The following POLI variants were observed in gnomAD, a reference collection of about 807,000 sequenced individuals.
The protein encoded by POLI is RAD30 homolog B.
POLI carries 58 observed loss-of-function variants against 51.6 expected under a neutral mutation model. The ratio of observed to expected loss-of-function variants is 1.12; its 90% CI spans 0.91 to 1.40. POLI has a LOEUF of 1.40. POLI is among the 40% of genes most tolerant of loss of function. The probability of loss-of-function intolerance (pLI) is 0.00; values close to 1 mark genes in which losing one functional copy is unlikely to be tolerated. For missense variants in POLI, 921 were observed against 871.3 expected (o/e 1.06, Z -0.72); for synonymous variants, 322 against 299.7 (o/e 1.07, Z -0.77).
intron 3 of POLI, among the ~76,000 whole-genome samples, chr18:54,304,382 G>T (rs1046701161): frequency 3.9e-5 from 6 of 152,322 alleles, no homozygotes; most frequent in Admixed American, 2.6e-4. Context: ...CACCAACAGT[G>T]TAAAAGCGTT....
Position 54,291,975 on chromosome 18 carries a change from G to A in POLI, c.1341G>A (p.Gly447=). 6.2e-7 allele frequency: 1 copy of A among 1,611,502 alleles called. No homozygotes were observed. The highest frequency in any genetic ancestry group is 8.5e-7 in the Non-Finnish European group (1 of 1,178,414). ...AAGCACTAAATACTGCTAAGAAAGG[G>A]CTTATTGATTATTATTTAATGCCAT... is the stretch of plus-strand genomic sequence containing the variant. ...NLKALNTAKK[G]LIDYYLMPSL... Residue 447 remains glycine, a synonymous_variant, in exon 9 of 10, where the codon GGG becomes GGA. Transcript: ENST00000579534.
chr18:54,292,094 G>T (rs1018117606), intron 9 of POLI, 56 bp downstream of exon 9: 5 of 1,041,238 alleles, frequency 4.8e-6, no homozygotes, highest in South Asian at 1.5e-5. Flanking sequence ...GGATTTGTGT[G>T]GTTACATTAC....
In POLI at chr18:54,296,011, G is replaced by A. The variant is rs1365357150; in HGVS notation, c.*1544G>A. The A allele has an allele frequency of 1.0e-6, 1 of 984,728 alleles. No homozygotes were observed. Among genetic ancestry groups the A allele is most frequent in the African/African-American group, 1.7e-5 (1 of 57,190 alleles). The allele number at this position is 984,728 out of a possible 1,614,324, so 61.0% of individuals were successfully genotyped here. On this transcript the variant is annotated 3_prime_UTR_variant, in exon 10 of 10. Coordinates refer to ENST00000579534, the MANE Select transcript of POLI (RefSeq NM_007195.3). Reference sequence around the variant, plus strand: ...GAAGGATTGTAAATAGGTAGTTTGAGGTTATCAGGAACAGTAACTTGAAGC... The same window carrying A: ...GAAGGATTGTAAATAGGTAGTTTGAAGTTATCAGGAACAGTAACTTGAAGC...
chr18:54,271,407 A>G lies in POLI; in HGVS notation c.163A>G (p.Ile55Val), dbSNP rs945167625. ...CACACCAAATGCTTCATCCAGAGTC[A>G]TAGTACATGTGGATCTGGATTGCTT... The part of the protein sequence containing the change: ...LPTPNASSRV[I>V]VHVDLDCFYA... Residue 55 changes from isoleucine (I) to valine (V), a missense_variant, in exon 2 of 10, where the codon ATA becomes GTA. Physicochemically the swap from Ile to Val is conservative, Grantham distance 29. Coordinates refer to ENST00000579534, the MANE Select transcript of POLI (RefSeq NM_007195.3). The G allele has an allele frequency of 5.6e-6, 9 of 1,611,624 alleles. No homozygotes were observed. Among genetic ancestry groups the G allele is most frequent in the Non-Finnish European group, 7.6e-6 (9 of 1,177,934 alleles).
In POLI at chr18:54,296,711, T is replaced by C. The variant is rs1332280198; in HGVS notation, c.*2244T>C. Reference sequence around the variant, plus strand: ...GGTAATTTCATCAGCTCTATCTTTCTGTTTACTAGTTCATTTTTCAGTAGC... The same window carrying C: ...GGTAATTTCATCAGCTCTATCTTTCCGTTTACTAGTTCATTTTTCAGTAGC... On this transcript the variant is annotated 3_prime_UTR_variant, in exon 10 of 10. Coordinates refer to ENST00000579534, the MANE Select transcript of POLI (RefSeq NM_007195.3). 3 of 191,492 alleles carry C rather than the reference T, an allele frequency of 1.6e-5. No individual in the cohort carries two copies. Among genetic ancestry groups the C allele is most frequent in the African/African-American group, 7.2e-5 (3 of 41,954 alleles). 11.9% of individuals were successfully genotyped at this position (191,492 alleles called of 1,614,324 possible).
intron 8 of POLI, 35 bp downstream of exon 8, chr18:54,287,446 G>A: frequency 6.4e-7 from 1 of 1,571,654 alleles, no homozygotes; most frequent in Non-Finnish European, 8.7e-7. Flanking sequence ...TCATTAGCAG[G>A]TTGAACTCTT....
chr18:54,309,695 A>G (rs1243454862), intron 3 of POLI, among the ~76,000 whole-genome samples: 1 of 152,226 alleles, frequency 6.6e-6, no homozygotes. Context: ...GATGGAGTCT[A>G]CAGAGGCAGG....
intron 3 of POLI, among the ~76,000 whole-genome samples, chr18:54,313,344 T>C (rs571044578): frequency 2.0e-5 from 3 of 152,240 alleles, no homozygotes; most frequent in Non-Finnish European, 4.4e-5. Flanking sequence ...TCTATTTTCG[T>C]TTCTGTAACC....
rs2088209871 is a variant in POLI at position 54,294,602 on chromosome 18, GT to G, written c.*137del. 7.7e-7 allele frequency: 1 copy of G among 1,296,272 alleles called. No individual in the cohort carries two copies. Among genetic ancestry groups the G allele is most frequent in the Non-Finnish European group, 9.8e-7 (1 of 1,025,542 alleles). 80.3% of individuals were successfully genotyped at this position (1,296,272 alleles called of 1,614,324 possible). On this transcript the variant is annotated 3_prime_UTR_variant, in exon 10 of 10. Transcript: ENST00000579534. ...AACTGTTCCAGATAAAGCAAGAATA[GT>G]TGCAAGAAGTAAATTCTGGCACAAA...
chr18:54,305,806 T>C (rs2144636863), intron 3 of POLI, among the ~76,000 whole-genome samples: 1 of 152,262 alleles, frequency 6.6e-6, no homozygotes, highest in East Asian at 1.9e-4. Context: ...TCACCCAGGC[T>C]GGAGTGCAGT....
chr18:54,269,614 C>G lies in POLI; in HGVS notation c.68C>G (p.Ala23Gly), dbSNP rs1878459308. The G allele has an allele frequency of 9.9e-6, 15 of 1,511,386 alleles. No individual in the cohort carries two copies. Among genetic ancestry groups the G allele is most frequent in the Non-Finnish European group, 1.3e-5 (15 of 1,132,626 alleles). 93.6% of individuals were successfully genotyped at this position (1,511,386 alleles called of 1,614,324 possible). A position where few individuals can be genotyped will look rare whatever the true frequency, so the allele number is the denominator to read the frequency against. ...GGDDDEEDAE[A>G]WAMELADVGA... is the part of the protein sequence containing the mutation. Reference sequence around the variant, plus strand: ...GACGACGACGAGGAAGACGCCGAGGCCTGGGCCATGGAACTGGCGGACGTG... The same window carrying G: ...GACGACGACGAGGAAGACGCCGAGGGCTGGGCCATGGAACTGGCGGACGTG... The change falls in exon 1 of 10, where the codon GCC (alanine) becomes GGC (glycine). Residue 23 changes from alanine (A) to glycine (G), a missense_variant. Transcript: ENST00000579534.
At chr18:54,273,301 G>C (rs2087089975) in intron 2 of POLI, among the ~76,000 whole-genome samples, 1 of 150,434 alleles carries the variant, frequency 6.6e-6, no homozygotes, top group Non-Finnish European at 1.5e-5. Flanking sequence ...ATTTTATATT[G>C]CTTTATATTA....
intron 2 of POLI, among the ~76,000 whole-genome samples, chr18:54,271,860 C>G (rs1870454709): frequency 6.6e-6 from 1 of 152,194 alleles, no homozygotes; most frequent in Admixed American, 6.5e-5. Context: ...CTGTCCTCCC[C>G]TTTCTGAAAT....
At chr18:54,301,471 A>G (rs575521482), downstream of POLI, among the ~76,000 whole-genome samples, 16 of 152,336 alleles carry the variant, frequency 1.1e-4, no homozygotes, top group Admixed American at 9.8e-4. Context: ...GTTCAACTTA[A>G]AAATTTTCAA....
chr18:54,303,122 C>A (rs1416605813), downstream of POLI, among the ~76,000 whole-genome samples: 2 of 152,114 alleles, frequency 1.3e-5, no homozygotes, highest in East Asian at 1.9e-4. Flanking sequence ...TTTAATGGTT[C>A]CAATGTAGAC....
At chr18:54,277,251 G>A (rs2087284533) in intron 3 of POLI, among the ~76,000 whole-genome samples, 1 of 152,016 alleles carries the variant, frequency 6.6e-6, no homozygotes, top group African/African-American at 2.4e-5. Context: ...AGTAATAATT[G>A]GACATTTTAA....
intron 3 of POLI, among the ~76,000 whole-genome samples, chr18:54,303,370 TG>T (rs2088525770): frequency 6.6e-6 from 1 of 152,240 alleles, no homozygotes; most frequent in Admixed American, 6.5e-5. Context: ...TTACACTGTC[TG>T]TGTTAAAACT....
Position 54,280,832 on chromosome 18 carries a change from A to T in POLI, c.725A>T (p.Gln242Leu), listed in dbSNP as rs1345835090. The change falls in exon 5 of 10, where the codon CAA becomes CTA. Residue 242 changes from glutamine (Q) to leucine (L), a missense_variant. Coordinates refer to ENST00000579534, the MANE Select transcript of POLI (RefSeq NM_007195.3). ...KLVSGVFKPN[Q>L]QTVLLPESCQ... ...GTTTCTGGTGTCTTTAAACCAAATC[A>T]ACAAACAGTCTTATTACCTGAAAGT... 1 of 1,613,552 alleles carries T rather than the reference A, an allele frequency of 6.2e-7. No individual in the cohort carries two copies. Among genetic ancestry groups the T allele is most frequent in the South Asian group, 1.1e-5 (1 of 91,086 alleles).
chr18:54,317,012 C>A lies in POLI; in HGVS notation c.334-3261C>A, dbSNP rs1476021087. ...CTTTTGGTTATACTATCTGAGATGT[C>A]CTCCTTTTTCCATCATTATCTTTTC... On this transcript the variant is annotated intron_variant, in intron 3 of 4. Coordinates refer to the POLI transcript ENST00000579823. Among the ~76,000 whole-genome samples, 3 of 152,084 alleles carry A rather than the reference C, an allele frequency of 2.0e-5. No homozygotes were observed. The East Asian group carries it at 5.8e-4, about 29-fold the overall frequency.
Sources: gnomAD v4.1 joint callset for allele counts (sites outside exome capture counted in the v4.1 genomes callset) on GRCh38, gnomAD v4.1.1 for gene constraint, MANE v1.5 for transcripts, NCBI Gene and HGNC (gene_info 2026-07-23, HGNC 2026-07-21) for gene names.